Variants in CCSER1 observed in about 807,000 individuals in gnomAD.
CCSER1 encodes serine-rich coiled-coil domain-containing protein 1.
Under a neutral mutation model 82.0 loss-of-function variants are expected in CCSER1, and 41 were observed. The ratio of observed to expected loss-of-function variants is 0.50; its 90% confidence interval spans 0.39 to 0.65. The LOEUF is 0.65. Ranked by LOEUF, CCSER1 falls within the 30% of genes least tolerant of loss-of-function variation. The pLI, the probability that CCSER1 is intolerant of heterozygous loss-of-function variation, is 0.00. For synonymous variants in CCSER1, 414 were observed against 383.9 expected (o/e 1.08, Z -0.92); for missense variants, 1,119 against 1,064.2 (o/e 1.05, Z -0.72).
intron 9 of CCSER1, among the ~76,000 whole-genome samples, chr4:91,055,999 T>A (rs1561508442): frequency 6.6e-6 from 1 of 152,168 alleles, no homozygotes; most frequent in Non-Finnish European, 1.5e-5. Flanking sequence ...TTTTTCATTT[T>A]TGTCATTGTA....
chr4:90,969,110 G>T (rs1385446548), intron 9 of CCSER1, among the ~76,000 whole-genome samples: 1 of 151,424 alleles, frequency 6.6e-6, no homozygotes, highest in Non-Finnish European at 1.5e-5. Flanking sequence ...CATCCAGTCA[G>T]AGGATATAAA....
At chr4:91,549,844 A>T (rs1762075801) in intron 10 of CCSER1, among the ~76,000 whole-genome samples, 1 of 152,142 alleles carries the variant, frequency 6.6e-6, no homozygotes, top group Non-Finnish European at 1.5e-5. Context: ...CAAAAAAATA[A>T]ATGAGCCTTA....
chr4:91,279,746 A>G (rs1213248034), intron 10 of CCSER1, among the ~76,000 whole-genome samples: 2 of 152,086 alleles, frequency 1.3e-5, no homozygotes, highest in Non-Finnish European at 2.9e-5. Context: ...GAATTTCACA[A>G]ATTTCTTCAT....
intron 8 of CCSER1, among the ~76,000 whole-genome samples, chr4:90,866,362 A>G (rs1278234698): frequency 2.0e-5 from 3 of 152,030 alleles, no homozygotes; most frequent in Non-Finnish European, 2.9e-5. Flanking sequence ...CATTAACCTT[A>G]TTTTACAAAG....
At chr4:90,403,550 A>C (rs2153547314) in intron 4 of CCSER1, among the ~76,000 whole-genome samples, 1 of 151,348 alleles carries the variant, frequency 6.6e-6, no homozygotes, top group African/African-American at 2.4e-5. Context: ...TAAGAAGCTT[A>C]TGATTGATAA....
intron 1 of CCSER1, among the ~76,000 whole-genome samples, chr4:90,159,618 G>A (rs956091871): frequency 1.2e-4 from 19 of 152,134 alleles, no homozygotes; most frequent in Admixed American, 7.2e-4. Flanking sequence ...TTTGGAATTC[G>A]ATTTTTCAAA....
At chr4:90,272,809 C>T (rs1356666940) in intron 1 of CCSER1, among the ~76,000 whole-genome samples, 1 of 152,116 alleles carries the variant, frequency 6.6e-6, no homozygotes, top group Non-Finnish European at 1.5e-5. Context: ...TTGAGACCAG[C>T]CTGGACAACA....
chr4:91,114,879 A>C (rs1028072249), intron 10 of CCSER1, among the ~76,000 whole-genome samples: 1 of 152,206 alleles, frequency 6.6e-6, no homozygotes, highest in African/African-American at 2.4e-5. Flanking sequence ...TATATACAAC[A>C]TGATAATTTT....
In CCSER1 at chr4:91,405,599, C is replaced by T. The variant is rs533714925; in HGVS notation, c.2218-192973C>T. Among the ~76,000 whole-genome samples the T allele has an allele frequency of 7.1e-3, 1,080 of 152,298 alleles. 9 individuals are homozygous for T. The highest frequency in any genetic ancestry group is 0.024 in the African/African-American group (1,000 of 41,558). ...ATGGCTGGCGCCCCTCCCCCTGCCT[C>T]GGGGCTGCCTTGCAATTCAATATCA... is the stretch of plus-strand genomic sequence containing the variant. On this transcript the variant is annotated intron_variant, in intron 10 of 10. Coordinates refer to ENST00000509176, the MANE Select transcript of CCSER1 (RefSeq NM_001145065.2).
intron 8 of CCSER1, among the ~76,000 whole-genome samples, chr4:90,899,059 G>T (rs1345187227): frequency 6.6e-6 from 1 of 151,794 alleles, no homozygotes; most frequent in Non-Finnish European, 1.5e-5. Flanking sequence ...AACAACATTG[G>T]TTTGTTCTAT....
At chr4:90,151,028 C>T (rs912753780) in intron 1 of CCSER1, among the ~76,000 whole-genome samples, 1 of 152,072 alleles carries the variant, frequency 6.6e-6, no homozygotes, top group Non-Finnish European at 1.5e-5. Context: ...CAACCCTGCT[C>T]TGGCCTGACA....
intron 5 of CCSER1, among the ~76,000 whole-genome samples, chr4:90,574,430 G>A (rs1413643334): frequency 4.7e-5 from 7 of 150,290 alleles, no homozygotes; most frequent in Non-Finnish European, 7.4e-5. Flanking sequence ...CACCGCGCCC[G>A]GCTAATTTTT....
At chr4:90,544,927 A>G (rs1031169552) in intron 5 of CCSER1, among the ~76,000 whole-genome samples, 1 of 152,126 alleles carries the variant, frequency 6.6e-6, no homozygotes. Context: ...TATTTTTATC[A>G]TCTCTGTCTT....
chr4:90,704,657 G>T (rs555068277), intron 6 of CCSER1, among the ~76,000 whole-genome samples: 10 of 152,222 alleles, frequency 6.6e-5, no homozygotes, highest in African/African-American at 2.4e-4. Flanking sequence ...ATATTTCTTG[G>T]AGGCTTTGTT....
chr4:91,077,508 C>G (rs1242797373), intron 9 of CCSER1, among the ~76,000 whole-genome samples: 1 of 152,124 alleles, frequency 6.6e-6, no homozygotes, highest in African/African-American at 2.4e-5. Context: ...ATGAAGTTAA[C>G]AGAAAAAGTT....
intron 3 of CCSER1, among the ~76,000 whole-genome samples, chr4:90,377,810 A>G (rs1171737464): frequency 1.3e-5 from 2 of 152,274 alleles, no homozygotes; most frequent in East Asian, 3.9e-4. Context: ...ACATAATTGG[A>G]AATAAATGAT....
chr4:90,810,106 GA>G (rs918214987), intron 7 of CCSER1, among the ~76,000 whole-genome samples: 14 of 152,076 alleles, frequency 9.2e-5, no homozygotes, highest in African/African-American at 2.9e-4. Flanking sequence ...AATTGTATTG[GA>G]AAAAAACATG....
rs554490842 is a variant in CCSER1, at chr4:91,091,641, G to T, written c.2217+5647G>T. ...AGCAGGGCTTGTCGTCCTCCTCAGG[G>T]TTACTTTGCAGGGATTGTCTAGGCT... On this transcript the variant is annotated intron_variant, in intron 10 of 10. Coordinates refer to ENST00000509176, the MANE Select transcript of CCSER1 (RefSeq NM_001145065.2). 2.6e-5 allele frequency among the ~76,000 whole-genome samples: 4 copies of T among 152,314 alleles called. No homozygotes were observed. The East Asian group carries it at 5.8e-4, about 22-fold the overall frequency.
intron 1 of CCSER1, among the ~76,000 whole-genome samples, chr4:90,196,656 T>TACACACACACACACACACACACAC (rs34346681): frequency 1.5e-4 from 22 of 143,888 alleles, no homozygotes; most frequent in African/African-American, 5.3e-4. Flanking sequence ...CCTGCTCAGA[T>TACACACACACACACACACACACAC]ACACACACAC....
Sources: allele counts gnomAD v4.1 joint callset (sites outside exome capture counted in the v4.1 genomes callset), GRCh38; gene constraint gnomAD v4.1.1; transcripts MANE v1.5; gene names NCBI Gene and HGNC (gene_info 2026-07-23, HGNC 2026-07-21).